The following NLGN1 variants were observed in gnomAD, a reference collection of about 807,000 sequenced individuals.
NLGN1 encodes the protein neuroligin 1, also known as neuroligin-1.
NLGN1 carries 12 observed loss-of-function variants against 65.5 expected under a neutral mutation model. The observed-to-expected ratio is 0.18, with a 90% CI of 0.12 to 0.30. The LOEUF (loss-of-function observed/expected upper bound fraction) is 0.30, where lower values mean the gene tolerates loss of function less well. Ranked by LOEUF, NLGN1 falls within the 10% of genes least tolerant of loss-of-function variation. NLGN1 has a pLI of 1.00. For synonymous variants in NLGN1, 350 were observed against 359.5 expected (o/e 0.97, Z 0.30); for missense variants, 750 against 1,007.1 (o/e 0.74, Z 3.46).
chr3:173,807,051 A>T (rs1197532620), intron 3 of NLGN1, among the ~76,000 whole-genome samples: 3 of 152,188 alleles, frequency 2.0e-5, no homozygotes, highest in Admixed American at 1.3e-4. Context: ...TTCTAATGAC[A>T]TTTCCCTAAA....
intron 4 of NLGN1, among the ~76,000 whole-genome samples, chr3:174,115,228 T>A (rs1159715026): frequency 6.6e-6 from 1 of 152,216 alleles, no homozygotes; most frequent in Non-Finnish European, 1.5e-5. Flanking sequence ...GTTATCCCTA[T>A]GACTTTGGAA....
At chr3:174,053,371 A>G (rs959310614) in intron 4 of NLGN1, among the ~76,000 whole-genome samples, 1 of 152,028 alleles carries the variant, frequency 6.6e-6, no homozygotes, top group African/African-American at 2.4e-5. Context: ...TTTAAAATGT[A>G]TGCTTCTGGT....
At chr3:173,599,327 G>T (rs1750056040) in intron 2 of NLGN1, among the ~76,000 whole-genome samples, 1 of 152,118 alleles carries the variant, frequency 6.6e-6, no homozygotes, top group African/African-American at 2.4e-5. Context: ...GCAGAAGAAG[G>T]ATATGCATTA....
intron 2 of NLGN1, among the ~76,000 whole-genome samples, chr3:173,572,752 C>T (rs776945409): frequency 9.9e-5 from 15 of 152,186 alleles, no homozygotes; most frequent in Non-Finnish European, 2.9e-5. Context: ...TATTTTCTCT[C>T]ATCTGATCAG....
chr3:173,397,184 CAGG>C (rs1716755727), upstream of NLGN1, among the ~76,000 whole-genome samples: 2 of 152,188 alleles, frequency 1.3e-5, no homozygotes, highest in South Asian at 4.1e-4. Context: ...AAACCAATCT[CAGG>C]AGGAGTCCAC....
Position 174,280,711 on chromosome 3 carries a change from C to T in NLGN1, c.1880C>T (p.Thr627Ile), listed in dbSNP as rs1387392860. The change falls in exon 7 of 7, where the codon ACT becomes ATT. Residue 627 changes from threonine to isoleucine, a missense_variant. By Grantham distance (89) the Thr-to-Ile change is moderately conservative. Transcript: ENST00000457714. This position sits in a 1 kb window ranked among gnomAD's most constrained non-coding sequence, Gnocchi z 4.9. ...ATTTCTCAGTATACCTCTACAACAA[C>T]TAAAGTGCCATCAACTGACATCACT... 6.2e-7 allele frequency: 1 copy of T among 1,613,262 alleles called. No homozygotes were observed. The highest frequency in any genetic ancestry group is 8.5e-7 in the Non-Finnish European group (1 of 1,179,572).
In NLGN1 at chr3:173,529,629, C is replaced by G. The variant is rs549736736; in HGVS notation, c.-320-74650C>G. ...GTTCAGATCCACACCATTTGTCCAT[C>G]TATCTCTAGGCCACAGTGCAGCTGA... is the stretch of plus-strand genomic sequence containing the variant. On this transcript the variant is annotated intron_variant, in intron 2 of 6. Coordinates refer to ENST00000457714, the Ensembl canonical transcript of NLGN1. Among the ~76,000 whole-genome samples, 3 of 152,274 alleles carry G rather than the reference C, an allele frequency of 2.0e-5. No individual in the cohort carries two copies. The East Asian group carries it at 5.8e-4, about 29-fold the overall frequency.
At chr3:174,090,578 A>G (rs1413167951) in intron 4 of NLGN1, among the ~76,000 whole-genome samples, 11 of 152,204 alleles carry the variant, frequency 7.2e-5, no homozygotes. Context: ...GGACAAGTTC[A>G]TACACTGAGA....
In NLGN1 at chr3:173,590,363, CAT is replaced by C. The variant is rs1748266130; in HGVS notation, c.-320-13913_-320-13912del. Among the ~76,000 whole-genome samples, 4 of 152,284 alleles carry C rather than the reference CAT, an allele frequency of 2.6e-5. No homozygotes were observed. In the South Asian group the frequency reaches 8.3e-4, roughly 32 times the overall value. ...TTTAACTGTGCCAAGTGTTCTAATA[CAT>C]ATGTTACTACAAGATTGATGCCAAA... On this transcript the variant is annotated intron_variant, in intron 2 of 6. Transcript: ENST00000457714.
rs67595515 is a variant in NLGN1, at chr3:173,951,457, C to CTT, written c.646+143638_646+143639dup. 8.4e-4 allele frequency among the ~76,000 whole-genome samples: 120 copies of CTT among 142,618 alleles called. 1 individual carries two copies. The highest frequency in any genetic ancestry group is 4.8e-3 in the East Asian group (23 of 4,792). 93.6% of individuals were successfully genotyped at this position (142,618 alleles called of 152,430 possible). A position where few individuals can be genotyped will look rare whatever the true frequency, so the allele number is the denominator to read the frequency against. ...AACCTTTCTAAGAGCAGGTATCATT[C>CTT]TTTTTTTTTTTTTTCTTTGTTTTGA... On this transcript the variant is annotated intron_variant, in intron 4 of 6. Transcript: ENST00000457714.
At chr3:174,164,788 T>G (rs564116833) in intron 4 of NLGN1, among the ~76,000 whole-genome samples, 1 of 152,014 alleles carries the variant, frequency 6.6e-6, no homozygotes, top group African/African-American at 2.4e-5. Flanking sequence ...TGAAGTTACA[T>G]AGTGTGATGG....
At chr3:173,401,828 G>C (rs1433117186) in intron 1 of NLGN1, among the ~76,000 whole-genome samples, 2 of 152,178 alleles carry the variant, frequency 1.3e-5, no homozygotes, top group Non-Finnish European at 2.9e-5. Flanking sequence ...ATCCATCAAA[G>C]AGGGTCGATA....
intron 3 of NLGN1, among the ~76,000 whole-genome samples, chr3:173,775,476 T>A (rs749323483): frequency 3.7e-4 from 57 of 152,220 alleles, no homozygotes; most frequent in Non-Finnish European, 5.7e-4. Flanking sequence ...GATGCTTTTT[T>A]TTTTCCCACC....
chr3:173,996,797 G>A (rs1222110922), intron 4 of NLGN1, among the ~76,000 whole-genome samples: 2 of 152,178 alleles, frequency 1.3e-5, no homozygotes, highest in African/African-American at 4.8e-5. Flanking sequence ...ATGCAACAAA[G>A]TAATCTGAAT....
intron 4 of NLGN1, among the ~76,000 whole-genome samples, chr3:174,219,730 A>G (rs1372275563): frequency 6.6e-6 from 1 of 152,142 alleles, no homozygotes; most frequent in African/African-American, 2.4e-5. Context: ...CACAAATCAG[A>G]TGTTCCATAA....
intron 4 of NLGN1, among the ~76,000 whole-genome samples, chr3:174,024,650 G>T (rs1728491228): frequency 6.6e-6 from 1 of 152,202 alleles, no homozygotes; most frequent in African/African-American, 2.4e-5. Context: ...ATTCAGTGCT[G>T]TGGAAGGCTC....
chr3:173,470,564 A>G (rs1008451565), intron 2 of NLGN1, among the ~76,000 whole-genome samples: 9 of 152,008 alleles, frequency 5.9e-5, no homozygotes, highest in African/African-American at 2.2e-4. Context: ...AATGTGAGCA[A>G]TTTTCTTCTC....
intron 4 of NLGN1, among the ~76,000 whole-genome samples, chr3:174,262,362 C>A (rs1386677346): frequency 8.4e-6 from 1 of 119,258 alleles, no homozygotes; most frequent in African/African-American, 3.5e-5. Context: ...ACAATTTCAG[C>A]TCCTGTTATT....
upstream of NLGN1, among the ~76,000 whole-genome samples, chr3:173,396,069 C>T (rs1296269524): frequency 6.6e-6 from 1 of 151,754 alleles, no homozygotes; most frequent in Non-Finnish European, 1.5e-5. Context: ...GTGGCGGCGG[C>T]GGCGGCGGCG....
Sources: allele counts gnomAD v4.1 joint callset (sites outside exome capture counted in the v4.1 genomes callset), GRCh38; gene constraint gnomAD v4.1.1; non-coding constraint Gnocchi (gnomAD v3.1); transcripts MANE v1.5; gene names NCBI Gene and HGNC (gene_info 2026-07-23, HGNC 2026-07-21).